The following ZNF780B variants were observed in gnomAD, a reference collection of about 807,000 sequenced individuals.
ZNF780B encodes the protein zinc finger protein 780B.
Under a neutral mutation model 74.1 loss-of-function variants are expected in ZNF780B, and 52 were observed. That is an observed-to-expected ratio of 0.70 (90% CI 0.56 to 0.88). The LOEUF (loss-of-function observed/expected upper bound fraction) is 0.88. ZNF780B is among the 40% of genes least tolerant of loss of function. The probability of loss-of-function intolerance (pLI) is 0.00; values close to 1 mark genes in which losing one functional copy is unlikely to be tolerated. For missense variants in ZNF780B, 953 were observed against 1,007.6 expected, an observed-to-expected ratio of 0.95 and a Z score of 0.73; for synonymous variants, 315 against 324.3, an observed-to-expected ratio of 0.97 and a Z score of 0.31.
rs1376328802 is a variant in ZNF780B at position 40,031,958 on chromosome 19, T to C, written c.*2399A>G. On this transcript the variant is annotated 3_prime_UTR_variant, in exon 5 of 5. Coordinates refer to ENST00000434248, the MANE Select transcript of ZNF780B (RefSeq NM_001005851.3). Reference sequence around the variant, plus strand: ...TAATGCAAGGACCTGTACTTAAATGTTTTCTGACAGTACAATATGACATAG... The same window carrying C: ...TAATGCAAGGACCTGTACTTAAATGCTTTCTGACAGTACAATATGACATAG... 2.4e-6 allele frequency: 1 copy of C among 419,538 alleles called. No homozygotes were observed. The highest frequency in any genetic ancestry group is 2.1e-5 in the African/African-American group (1 of 47,876). The allele number at this position is 419,538 out of a possible 1,614,324, so 26.0% of individuals were successfully genotyped here. A position where few individuals can be genotyped will look rare whatever the true frequency, so the allele number is the denominator to read the frequency against.
intron 1 of ZNF780B, among the ~76,000 whole-genome samples, chr19:40,052,346 C>T (rs980257898): frequency 9.2e-5 from 14 of 152,202 alleles, no homozygotes; most frequent in East Asian, 7.7e-4. Context: ...ACATCACCCC[C>T]GCTGAGAATC....
In ZNF780B at chr19:40,037,884, T is replaced by G. The variant is rs1599769191; in HGVS notation, c.233-1258A>C. Among the ~76,000 whole-genome samples, 7 of 150,228 alleles carry G rather than the reference T, an allele frequency of 4.7e-5. No homozygotes were observed. The South Asian group carries it at 1.5e-3, about 31-fold the overall frequency. ...AACAAACATCCAACTCCTCTTTTTT[T>G]TTTTTCTGTTTATATATATATATTT... On this transcript the variant is annotated intron_variant, in intron 4 of 4. Transcript: ENST00000434248.
Position 40,035,995 on chromosome 19 carries a change from A to T in ZNF780B, c.864T>A (p.Arg288=). 2 of 1,614,002 alleles carry T rather than the reference A, an allele frequency of 1.2e-6. No homozygotes were observed. Among genetic ancestry groups the T allele is most frequent in the Non-Finnish European group, 1.7e-6 (2 of 1,180,008 alleles). The part of the protein sequence containing the change: ...QCKECGKAFN[R]GSNLIQHQKI... Reference sequence around the variant, plus strand: ...TTTGATGCTGAATAAGATTTGAACCACGATTAAAGGCTTTCCCACACTCCT... The same window carrying T: ...TTTGATGCTGAATAAGATTTGAACCTCGATTAAAGGCTTTCCCACACTCCT... Residue 288 remains arginine, a synonymous_variant, in exon 5 of 5, where the codon CGT becomes CGA. Coordinates refer to ENST00000434248, the MANE Select transcript of ZNF780B (RefSeq NM_001005851.3).
rs201296677 is a variant in ZNF780B at position 40,034,336 on chromosome 19, A to G, written c.*21T>C. ...TAATGATATTGAAAGGCCTTCCCAC[A>G]TTCCTTACATTCAAAGGTTTTCACC... On this transcript the variant is annotated 3_prime_UTR_variant, in exon 5 of 5. Transcript: ENST00000434248. 4.8e-5 allele frequency: 76 copies of G among 1,578,366 alleles called. No individual in the cohort carries two copies. The African/African-American group carries it at 1.0e-3, about 21-fold the overall frequency.
In ZNF780B at chr19:40,042,318, T is replaced by A. The variant is rs1413739387; in HGVS notation, c.232+5057A>T. On this transcript the variant is annotated intron_variant, in intron 4 of 4. Transcript: ENST00000434248. Reference sequence around the variant, plus strand: ...CTTTGTGGGTAACCCGACCTTACTCTCTGGCTGCCCTTAACGTTTTTTCCT... The same window carrying A: ...CTTTGTGGGTAACCCGACCTTACTCACTGGCTGCCCTTAACGTTTTTTCCT... 2.6e-5 allele frequency among the ~76,000 whole-genome samples: 4 copies of A among 152,214 alleles called. No individual in the cohort carries two copies. In the East Asian group the frequency reaches 7.7e-4, roughly 29 times the overall value.
chr19:40,049,003 T>A, intron 2 of ZNF780B: 1 of 667,118 alleles, frequency 1.5e-6, no homozygotes, highest in Non-Finnish European at 2.4e-6. Context: ...GTGGAAGGAC[T>A]GCTTGAGCCC....
chr19:40,034,769 A>G lies in ZNF780B; in HGVS notation c.2090T>C (p.Phe697Ser), dbSNP rs767805513. The G allele has an allele frequency of 9.9e-6, 16 of 1,613,506 alleles. No individual in the cohort carries two copies. Among genetic ancestry groups the G allele is most frequent in the Non-Finnish European group, 1.7e-6 (2 of 1,179,912 alleles). The change falls in exon 5 of 5, where the codon TTT becomes TCT. Residue 697 changes from phenylalanine to serine, a missense_variant. Phe to Ser is a radical substitution (Grantham distance 155). Transcript: ENST00000434248. ...HQKTHSSAKP[F>S]VCKECRKTFR... is the part of the protein sequence containing the mutation. ...GGTCTTCCTACACTCCTTACATACA[A>G]AGGGTTTCGCACTGGAATGAGTTTT...
In ZNF780B at chr19:40,050,327, G is replaced by A. The variant is rs993874299; in HGVS notation, c.6C>T (p.Val2=). M[V]HGSVTFRDVA... is the part of the protein sequence containing the mutation. ...GAAGACAGAAACACCAACTTACATG[G>A]ACCATGTTTCTAGAATTACAAAATT... is the stretch of plus-strand genomic sequence containing the variant. Residue 2 remains valine (V), a synonymous_variant, in exon 2 of 5, where the codon GTC becomes GTT. Transcript: ENST00000434248. The A allele has an allele frequency of 3.1e-6, 5 of 1,596,276 alleles. No homozygotes were observed. The highest frequency in any genetic ancestry group is 1.7e-5 in the Admixed American group (1 of 59,450).
At position 40,034,015 on chromosome 19, in the gene ZNF780B, C is replaced by G; in HGVS notation, c.*342G>C. 3.2e-6 allele frequency: 1 copy of G among 316,976 alleles called. No individual in the cohort carries two copies. The allele number at this position is 316,976 out of a possible 1,614,324, so 19.6% of individuals were successfully genotyped here. ...AAGTTTTCCACATTCTTTACACTCA[C>G]AGGGTTTCTCAGCAGTACGGATTCT... On this transcript the variant is annotated 3_prime_UTR_variant, in exon 5 of 5. Coordinates refer to ENST00000434248, the MANE Select transcript of ZNF780B (RefSeq NM_001005851.3).
At position 40,050,354 on chromosome 19, in the gene ZNF780B, G is replaced by A. The variant is rs1378646378; in HGVS notation, c.-22C>T. ...CCATGTTTCTAGAATTACAAAATTG[G>A]TCAATCTTCCTCGGGCTTCTCCCCT... On this transcript the variant is annotated 5_prime_UTR_variant, in exon 2 of 5. Transcript: ENST00000434248. 1.9e-6 allele frequency: 3 copies of A among 1,592,456 alleles called. No individual in the cohort carries two copies. Among genetic ancestry groups the A allele is most frequent in the Non-Finnish European group, 2.6e-6 (3 of 1,175,726 alleles).
At chr19:40,051,345 T>A (rs563427439) in intron 1 of ZNF780B, among the ~76,000 whole-genome samples, 1 of 152,162 alleles carries the variant, frequency 6.6e-6, no homozygotes, top group South Asian at 2.1e-4. Context: ...ATGAAAGACA[T>A]CTTTTATTTA....
At position 40,035,206 on chromosome 19, in the gene ZNF780B, A is replaced by G. The variant is rs367552960; in HGVS notation, c.1653T>C (p.His551=). ...TACATTCAAAGGGTTTCTCACCTGT[A>G]TGAGTTTTCTCATGTTGAGAAAGTT... ...HLQLSQHEKT[H]TGEKPFECKE... The change falls in exon 5 of 5, where the codon CAT becomes CAC. Residue 551 remains histidine (H), a synonymous_variant. Coordinates refer to ENST00000434248, the MANE Select transcript of ZNF780B (RefSeq NM_001005851.3). 2 of 1,613,948 alleles carry G rather than the reference A, an allele frequency of 1.2e-6. No homozygotes were observed. The highest frequency in any genetic ancestry group is 2.7e-5 in the African/African-American group (2 of 74,882).
In ZNF780B at chr19:40,029,386, T is replaced by C. The variant is rs1403209780; in HGVS notation, c.*4971A>G. On this transcript the variant is annotated 3_prime_UTR_variant, in exon 5 of 5. Coordinates refer to ENST00000434248, the MANE Select transcript of ZNF780B (RefSeq NM_001005851.3). ...ATGACAAATTTAAATCAGAGCAATA[T>C]CTCCAAAAATGGGAGGCAGATTAAT... 6.5e-6 allele frequency: 1 copy of C among 154,674 alleles called. No individual in the cohort carries two copies. The highest frequency in any genetic ancestry group is 1.5e-5 in the Non-Finnish European group (1 of 68,208). 9.6% of individuals were successfully genotyped at this position (154,674 alleles called of 1,614,324 possible). A position where few individuals can be genotyped will look rare whatever the true frequency, so the allele number is the denominator to read the frequency against.
chr19:40,044,099 C>G (rs1156934149), intron 4 of ZNF780B, among the ~76,000 whole-genome samples: 1 of 152,154 alleles, frequency 6.6e-6, no homozygotes, highest in Non-Finnish European at 1.5e-5. Context: ...TTCCTCAGAA[C>G]ATCTGAATGA....
intron 1 of ZNF780B, among the ~76,000 whole-genome samples, chr19:40,051,821 T>C (rs1973245627): frequency 6.6e-6 from 1 of 152,200 alleles, no homozygotes; most frequent in African/African-American, 2.4e-5. Flanking sequence ...CTGTGGAATG[T>C]ACATCACCAT....
intron 4 of ZNF780B, among the ~76,000 whole-genome samples, chr19:40,043,131 T>C (rs1349139980): frequency 6.6e-6 from 1 of 152,230 alleles, no homozygotes; most frequent in Non-Finnish European, 1.5e-5. Context: ...GACAGGACCC[T>C]CAGCTGCAGG....
At chr19:40,050,865 T>C (rs368147756) in intron 1 of ZNF780B, among the ~76,000 whole-genome samples, 4 of 152,222 alleles carry the variant, frequency 2.6e-5, no homozygotes, top group African/African-American at 7.2e-5. Flanking sequence ...CAGAATTGCA[T>C]GGGCAGTGTT....
At position 40,032,221 on chromosome 19, in the gene ZNF780B, C is replaced by A. The variant is rs1319354703; in HGVS notation, c.*2136G>T. 4 of 364,904 alleles carry A rather than the reference C, an allele frequency of 1.1e-5. No individual in the cohort carries two copies. The highest frequency in any genetic ancestry group is 8.5e-5 in the African/African-American group (4 of 46,904). 22.6% of individuals were successfully genotyped at this position (364,904 alleles called of 1,614,324 possible). On this transcript the variant is annotated 3_prime_UTR_variant, in exon 5 of 5. Transcript: ENST00000434248. Reference sequence around the variant, plus strand: ...CTCTAACTCTGGTTGGTATCACAGACACAAAACCTGGAGAAATAATAAAAA... The same window carrying A: ...CTCTAACTCTGGTTGGTATCACAGAAACAAAACCTGGAGAAATAATAAAAA...
At position 40,034,399 on chromosome 19, in the gene ZNF780B, G is replaced by C; in HGVS notation, c.2460C>G (p.Ile820Met). The change falls in exon 5 of 5, where the codon ATC (isoleucine) becomes ATG (methionine). Residue 820 changes from isoleucine to methionine, a missense_variant. Ile to Met is a conservative substitution (Grantham distance 10, BLOSUM62 1). Transcript: ENST00000434248. ...TTCTGATGTTCAGTAAGTTGCTACT[G>C]ATGTCTGAAGGCTGTCCCACATTTC... is the stretch of plus-strand genomic sequence containing the variant. Reference protein sequence around the residue: ...NVRNVGQPSDISSNLLNIRKF... With the variant: ...NVRNVGQPSDMSSNLLNIRKF... 6.2e-7 allele frequency: 1 copy of C among 1,612,700 alleles called. No individual in the cohort carries two copies.
Sources: gnomAD v4.1 joint callset for allele counts (sites outside exome capture counted in the v4.1 genomes callset) on GRCh38, gnomAD v4.1.1 for gene constraint, MANE v1.5 for transcripts, NCBI Gene and HGNC (gene_info 2026-07-23, HGNC 2026-07-21) for gene names.